RADIL: variants seen among roughly 807,000 people sequenced by gnomAD.
RADIL encodes Rap associating with DIL domain.
In RADIL, 99 loss-of-function variants were observed where a neutral mutation model predicts 97.6. That is an observed-to-expected ratio of 1.01 (90% CI 0.86 to 1.20). RADIL has a LOEUF of 1.20. Among genes scored for constraint, RADIL ranks in the 50% most tolerant of loss-of-function variants. The pLI, the probability that RADIL is intolerant of heterozygous loss-of-function variation, is 0.00. For missense variants in RADIL, 1,765 were observed against 1,498.9 expected, an observed-to-expected ratio of 1.18 and a Z score of -2.93; for synonymous variants, 803 against 691.8, an observed-to-expected ratio of 1.16 and a Z score of -2.52.
At chr7:4,803,775 C>T in intron 10 of RADIL, 21 bp from the exon 11 acceptor site, 2 of 1,538,820 alleles carry the variant, frequency 1.3e-6, no homozygotes, top group Non-Finnish European at 8.8e-7. Context: ...GAGAGGATGC[C>T]CGTAATGGCC....
chr7:4,801,998 A>C lies in RADIL; in HGVS notation c.2500-3T>G, dbSNP rs758800148. 2 of 1,496,542 alleles carry C rather than the reference A, an allele frequency of 1.3e-6. No homozygotes were observed. The highest frequency in any genetic ancestry group is 1.8e-6 in the Non-Finnish European group (2 of 1,124,328). The allele number at this position is 1,496,542 out of a possible 1,614,324, so 92.7% of individuals were successfully genotyped here. A position where few individuals can be genotyped will look rare whatever the true frequency, so the allele number is the denominator to read the frequency against. ...TCAAGGACCACGTGGTGCATACCCT[A>C]GGGAGAGGAAGGGTGACAGCTCAGG... On this transcript the variant is annotated splice_region_variant and splice_polypyrimidine_tract_variant and intron_variant, in intron 11 of 14. Transcript: ENST00000399583.
intron 9 of RADIL, chr7:4,809,717 C>T: frequency 1.2e-6 from 1 of 851,514 alleles, no homozygotes; most frequent in Non-Finnish European, 1.4e-6. Context: ...GGGTTTCGCT[C>T]TGTCGCCCAG....
rs1486591452 is a variant in RADIL, at chr7:4,864,976, G to A, written c.535+12629C>T. Among the ~76,000 whole-genome samples, 7 of 152,238 alleles carry A rather than the reference G, an allele frequency of 4.6e-5. No individual in the cohort carries two copies. In the East Asian group the frequency reaches 1.3e-3, roughly 29 times the overall value. ...GATCTTTTCCCCAACTATCTGTCTA[G>A]CCGCACCTTCTGCAACTTTCCCCTC... On this transcript the variant is annotated intron_variant, in intron 2 of 14. Transcript: ENST00000399583.
intron 5 of RADIL, among the ~76,000 whole-genome samples, chr7:4,828,415 G>A (rs549279585): frequency 9.2e-4 from 140 of 152,310 alleles, no homozygotes; most frequent in African/African-American, 3.1e-3. Flanking sequence ...CCGAGGTCGC[G>A]CCAATGCGCT....
intron 2 of RADIL, among the ~76,000 whole-genome samples, chr7:4,856,928 G>A (rs901928720): frequency 2.8e-4 from 42 of 152,360 alleles, no homozygotes; most frequent in African/African-American, 9.9e-4. Flanking sequence ...TTAAGTAGCT[G>A]TGACAGAGAC....
intron 1 of RADIL, among the ~76,000 whole-genome samples, chr7:4,882,892 C>A (rs1393218346): frequency 6.6e-6 from 1 of 151,592 alleles, no homozygotes; most frequent in Non-Finnish European, 1.5e-5. Flanking sequence ...ATTAGCCAAA[C>A]ACTTGACAGG....
chr7:4,868,347 C>A (rs1326229274), intron 2 of RADIL, among the ~76,000 whole-genome samples: 2 of 152,212 alleles, frequency 1.3e-5, no homozygotes, highest in Admixed American at 1.3e-4. Context: ...CAGGTGTGAG[C>A]CACCTTGCCC....
chr7:4,847,739 CAAAAAAAAAAAAAAA>C (rs56177809), intron 2 of RADIL, among the ~76,000 whole-genome samples: 18 of 23,808 alleles, frequency 7.6e-4, no homozygotes, highest in African/African-American at 2.7e-3. Flanking sequence ...AAGCTAGATG[CAAAAAAAAAAAAAAA>C]AAAAAAAAAA....
chr7:4,838,804 A>G (rs1783368085), intron 2 of RADIL, among the ~76,000 whole-genome samples: 1 of 152,092 alleles, frequency 6.6e-6, no homozygotes, highest in South Asian at 2.1e-4. Context: ...GGTGTGGGGG[A>G]GGTGAAGCAG....
Position 4,816,475 on chromosome 7 carries a change from G to A in RADIL, c.1729-10C>T, listed in dbSNP as rs760558313. ...GGCAGATGTACAGGGACTGGCGGGG[G>A]CAAGAGGAGAACAGCAACCAGCATT... On this transcript the variant is annotated splice_polypyrimidine_tract_variant and intron_variant, in intron 7 of 14. Transcript: ENST00000399583. The A allele has an allele frequency of 3.8e-6, 6 of 1,594,842 alleles. No individual in the cohort carries two copies. Among genetic ancestry groups the A allele is most frequent in the Admixed American group, 1.7e-5 (1 of 59,106 alleles).
chr7:4,811,986 T>G (rs1244472634), intron 9 of RADIL, among the ~76,000 whole-genome samples: 3 of 152,164 alleles, frequency 2.0e-5, no homozygotes, highest in African/African-American at 7.2e-5. Context: ...GGAATCCTCC[T>G]GCCTCAGCCT....
rs578245906 is a variant in RADIL at position 4,798,166 on chromosome 7, T to C, written c.*1212A>G. The C allele has an allele frequency of 1.3e-5, 2 of 150,936 alleles. No individual in the cohort carries two copies. The highest frequency in any genetic ancestry group is 2.9e-5 in the Non-Finnish European group (2 of 67,808). The allele number at this position is 150,936 out of a possible 1,614,324, so 9.3% of individuals were successfully genotyped here. A position where few individuals can be genotyped will look rare whatever the true frequency, so the allele number is the denominator to read the frequency against. ...ATATATATATATATTTTATCCAGTA[T>C]TTTGGGAACCTGGCAGTGGTCGCCG... is the stretch of plus-strand genomic sequence containing the variant. On this transcript the variant is annotated 3_prime_UTR_variant, in exon 15 of 15. Coordinates refer to ENST00000399583, the MANE Select transcript of RADIL (RefSeq NM_018059.5).
At position 4,822,351 on chromosome 7, in the gene RADIL, C is replaced by A. The variant is rs774204134; in HGVS notation, c.1615+43G>T. ...GCGAGGAGATGCCACACTCCCCTGC[C>A]TGGGGTGCTGGCGGGGGGAATGGAG... On this transcript the variant is annotated intron_variant, in intron 6 of 14. Transcript: ENST00000399583. This position sits in a 1 kb window ranked among gnomAD's most constrained non-coding sequence, Gnocchi z 5.3. The A allele has an allele frequency of 1.3e-6, 2 of 1,579,166 alleles. No individual in the cohort carries two copies. The highest frequency in any genetic ancestry group is 1.2e-5 in the South Asian group (1 of 86,830).
chr7:4,861,763 C>T, intron 2 of RADIL: 2 of 1,485,322 alleles, frequency 1.3e-6, no homozygotes, highest in Non-Finnish European at 8.9e-7. Context: ...GATTCGGCGG[C>T]GGCGCCGGCT....
intron 5 of RADIL, among the ~76,000 whole-genome samples, chr7:4,831,264 T>C (rs112268762): frequency 0.035 from 5,283 of 151,166 alleles, 206 homozygotes; most frequent in African/African-American, 0.097. Flanking sequence ...GAGGCTATTA[T>C]GCTTAGCAAA....
chr7:4,855,762 T>C (rs899122983), intron 2 of RADIL, among the ~76,000 whole-genome samples: 3 of 152,200 alleles, frequency 2.0e-5, no homozygotes, highest in African/African-American at 4.8e-5. Context: ...ATGCGCTTCT[T>C]TGGCCCATTT....
Position 4,835,832 on chromosome 7 carries a change from C to T in RADIL, c.783+526G>A, listed in dbSNP as rs924059760. On this transcript the variant is annotated intron_variant, in intron 3 of 14. Coordinates refer to ENST00000399583, the MANE Select transcript of RADIL (RefSeq NM_018059.5). This position sits in a 1 kb window ranked among gnomAD's most constrained non-coding sequence, Gnocchi z 5.8. ...AGGGCAAGTGTCCGGCAAGGTGAGGCGAGGTGGCCCTGCGCCTGGCATTTG... is the reference window on the plus strand; with the variant it reads ...AGGGCAAGTGTCCGGCAAGGTGAGGTGAGGTGGCCCTGCGCCTGGCATTTG... Among the ~76,000 whole-genome samples, 3 of 152,228 alleles carry T rather than the reference C, an allele frequency of 2.0e-5. No homozygotes were observed. Among genetic ancestry groups the T allele is most frequent in the African/African-American group, 7.2e-5 (3 of 41,464 alleles).
At chr7:4,804,362 G>A (rs939742669) in intron 10 of RADIL, among the ~76,000 whole-genome samples, 1 of 152,260 alleles carries the variant, frequency 6.6e-6, no homozygotes, top group Non-Finnish European at 1.5e-5. Context: ...GTTCTCCACG[G>A]TGACCCGGGG....
chr7:4,838,301 C>T (rs980956472), intron 2 of RADIL, among the ~76,000 whole-genome samples: 12 of 152,164 alleles, frequency 7.9e-5, no homozygotes, highest in African/African-American at 2.9e-4. Flanking sequence ...GAAAGAAGAA[C>T]AAAAACAGCT....
Sources: allele counts gnomAD v4.1 joint callset (sites outside exome capture counted in the v4.1 genomes callset), GRCh38; gene constraint gnomAD v4.1.1; non-coding constraint Gnocchi (gnomAD v3.1); transcripts MANE v1.5; gene names NCBI Gene and HGNC (gene_info 2026-07-23, HGNC 2026-07-21).